Variants in GXYLT1 observed in about 807,000 individuals in gnomAD.
GXYLT1 encodes the protein glycosyltransferase 8 domain containing 3.
A neutral mutation model predicts 54.0 loss-of-function variants in GXYLT1; 29 were observed. The observed-to-expected ratio is 0.54, with a 90% CI of 0.40 to 0.73. The LOEUF (loss-of-function observed/expected upper bound fraction) is 0.73. Among genes scored for constraint, GXYLT1 ranks in the 30% least tolerant of loss-of-function variants. GXYLT1 has a pLI of 0.00. For missense variants in GXYLT1, 490 were observed against 553.4 expected, an observed-to-expected ratio of 0.89 and a Z score of 1.15; for synonymous variants, 176 against 204.1, an observed-to-expected ratio of 0.86 and a Z score of 1.17.
chr12:42,086,824 T>C lies in GXYLT1; in HGVS notation c.*962A>G, dbSNP rs942568317. 2 of 152,134 alleles carry C rather than the reference T, an allele frequency of 1.3e-5. No individual in the cohort carries two copies. Among genetic ancestry groups the C allele is most frequent in the African/African-American group, 2.4e-5 (1 of 41,442 alleles). The allele number at this position is 152,134 out of a possible 1,614,324, so 9.4% of individuals were successfully genotyped here. Reference sequence around the variant, plus strand: ...GCCGTTATGAGGTAGAAGACAAGTTTAAATGGACCATATTTTTCTACTCCA... The same window carrying C: ...GCCGTTATGAGGTAGAAGACAAGTTCAAATGGACCATATTTTTCTACTCCA... On this transcript the variant is annotated 3_prime_UTR_variant, in exon 8 of 8. Coordinates refer to ENST00000398675, the MANE Select transcript of GXYLT1 (RefSeq NM_173601.2).
chr12:42,108,310 TTC>T (rs2065432383), intron 4 of GXYLT1, among the ~76,000 whole-genome samples: 2 of 152,206 alleles, frequency 1.3e-5, no homozygotes, highest in East Asian at 1.9e-4. Context: ...CCTCACATCT[TTC>T]TTTCATCTCT....
chr12:42,110,186 C>T (rs2065444718), intron 3 of GXYLT1, among the ~76,000 whole-genome samples: 1 of 152,194 alleles, frequency 6.6e-6, no homozygotes, highest in Admixed American at 6.5e-5. Context: ...TATTCTGATA[C>T]ATAGCCAATG....
chr12:42,124,349 C>G (rs2065548368), intron 2 of GXYLT1, among the ~76,000 whole-genome samples: 1 of 151,640 alleles, frequency 6.6e-6, no homozygotes, highest in Non-Finnish European at 1.5e-5. Context: ...TTTGATAATT[C>G]TAAAATTTAG....
At chr12:42,139,500 G>C (rs775103011) in intron 1 of GXYLT1, among the ~76,000 whole-genome samples, 1 of 152,040 alleles carries the variant, frequency 6.6e-6, no homozygotes, top group Non-Finnish European at 1.5e-5. Flanking sequence ...GGCCTGCCTC[G>C]CCTCTTCTAC....
intron 3 of GXYLT1, among the ~76,000 whole-genome samples, chr12:42,111,428 C>T (rs575483312): frequency 1.9e-4 from 29 of 152,340 alleles, no homozygotes; most frequent in African/African-American, 6.7e-4. Context: ...GTCACTCCCA[C>T]CCTAATACTG....
At chr12:42,115,275 G>C (rs1020155615) in intron 3 of GXYLT1, among the ~76,000 whole-genome samples, 2 of 152,128 alleles carry the variant, frequency 1.3e-5, no homozygotes, top group African/African-American at 4.8e-5. Flanking sequence ...TGGAAGTTCT[G>C]GCCAGGGCAA....
chr12:42,103,239 G>C (rs150172692), intron 5 of GXYLT1, among the ~76,000 whole-genome samples: 2 of 152,144 alleles, frequency 1.3e-5, no homozygotes, highest in Non-Finnish European at 2.9e-5. Context: ...AATTACAGGC[G>C]TGAGCCACCA....
chr12:42,129,262 GGAA>G (rs2065580682), intron 2 of GXYLT1, among the ~76,000 whole-genome samples: 1 of 152,140 alleles, frequency 6.6e-6, no homozygotes, highest in South Asian at 2.1e-4. Context: ...AAACATTAAA[GGAA>G]GAAGTAGCCA....
At chr12:42,091,712 A>T (rs2065330284) in intron 7 of GXYLT1, among the ~76,000 whole-genome samples, 1 of 152,262 alleles carries the variant, frequency 6.6e-6, no homozygotes, top group Non-Finnish European at 1.5e-5. Flanking sequence ...CAAGAAACTT[A>T]GCTACTAATA....
chr12:42,097,408 CA>C (rs1237685484), intron 7 of GXYLT1, 33 bp downstream of exon 7: 12 of 1,502,428 alleles, frequency 8.0e-6, no homozygotes, highest in Non-Finnish European at 1.1e-5. Flanking sequence ...TATTTTCAAA[CA>C]AAAAGTTAAA....
intron 2 of GXYLT1, among the ~76,000 whole-genome samples, chr12:42,125,983 T>C (rs982038367): frequency 6.6e-6 from 1 of 151,540 alleles, no homozygotes; most frequent in Non-Finnish European, 1.5e-5. Flanking sequence ...GCCCTGGTGG[T>C]GCTACTGCAC....
intron 4 of GXYLT1, among the ~76,000 whole-genome samples, chr12:42,106,431 G>C (rs1335681521): frequency 3.3e-5 from 5 of 152,106 alleles, no homozygotes; most frequent in Non-Finnish European, 7.4e-5. Flanking sequence ...GATAAATACA[G>C]AAATAAACCA....
chr12:42,125,388 A>G (rs540866133), intron 2 of GXYLT1, among the ~76,000 whole-genome samples: 6 of 152,350 alleles, frequency 3.9e-5, no homozygotes, highest in Admixed American at 3.3e-4. Flanking sequence ...TCTGGCTCTC[A>G]GAAAAGAACT....
chr12:42,094,731 A>C (rs537551589), intron 7 of GXYLT1, among the ~76,000 whole-genome samples: 11 of 152,314 alleles, frequency 7.2e-5, no homozygotes, highest in Admixed American at 1.3e-4. Flanking sequence ...AATACCATAA[A>C]TAAGTCAAAT....
rs776759362 is a variant in GXYLT1 at position 42,105,938 on chromosome 12, A to G, written c.744T>C (p.His248=). 4 of 1,614,106 alleles carry G rather than the reference A, an allele frequency of 2.5e-6. No homozygotes were observed. Among genetic ancestry groups the G allele is most frequent in the Non-Finnish European group, 3.4e-6 (4 of 1,179,978 alleles). Residue 248 remains histidine (H), a synonymous_variant, in exon 5 of 8, where the codon CAT becomes CAC. Coordinates refer to ENST00000398675, the MANE Select transcript of GXYLT1 (RefSeq NM_173601.2). The part of the protein sequence containing the change: ...STQIAAMAPE[H]EEPRIGWYNR... ...TATACCATCCTATTCGAGGTTCCTC[A>G]TGTTCTGGTGCCATTGCAGCAATTT...
intron 4 of GXYLT1, 140 bp downstream of exon 4, chr12:42,109,426 A>C: frequency 1.9e-6 from 1 of 525,894 alleles, no homozygotes. Context: ...CAAAAGGAAG[A>C]TAGTACATGC....
intron 1 of GXYLT1, among the ~76,000 whole-genome samples, chr12:42,130,933 G>C (rs916406592): frequency 1.3e-5 from 2 of 151,992 alleles, no homozygotes; most frequent in African/African-American, 4.8e-5. Flanking sequence ...GCTGAACACA[G>C]CAAAAGAGAC....
At chr12:42,111,662 C>T (rs1447640824) in intron 3 of GXYLT1, among the ~76,000 whole-genome samples, 1 of 152,238 alleles carries the variant, frequency 6.6e-6, no homozygotes, top group East Asian at 1.9e-4. Flanking sequence ...TGGAGCCCAC[C>T]ACAGCTCAAG....
chr12:42,096,392 T>C (rs1309539725), intron 7 of GXYLT1, among the ~76,000 whole-genome samples: 1 of 152,132 alleles, frequency 6.6e-6, no homozygotes, highest in East Asian at 1.9e-4. Context: ...GATGAGGACA[T>C]GTCAAAGGGA....
Sources: gnomAD v4.1 joint callset for allele counts (sites outside exome capture counted in the v4.1 genomes callset) on GRCh38, gnomAD v4.1.1 for gene constraint, MANE v1.5 for transcripts, NCBI Gene and HGNC (gene_info 2026-07-23, HGNC 2026-07-21) for gene names.